Variants in ZNF609 observed in about 807,000 individuals in gnomAD.
ZNF609 encodes the protein zinc finger protein 609.
In ZNF609, 11 loss-of-function variants were observed where a neutral mutation model predicts 109.5. The observed-to-expected ratio is 0.10, with a 90% CI of 0.06 to 0.17. The LOEUF (loss-of-function observed/expected upper bound fraction) is 0.17. ZNF609 is among the 10% of genes least tolerant of loss of function. The pLI, the probability that ZNF609 is intolerant of heterozygous loss-of-function variation, is 1.00. For synonymous variants in ZNF609, 646 were observed against 662.0 expected (o/e 0.98, Z 0.37); for missense variants, 1,559 against 1,772.4 (o/e 0.88, Z 2.16).
chr15:64,627,341 T>G (rs1595744385), intron 3 of ZNF609, among the ~76,000 whole-genome samples: 1 of 152,254 alleles, frequency 6.6e-6, no homozygotes, highest in African/African-American at 2.4e-5. Context: ...TACTGGCTTG[T>G]GTGGTATTTT....
At chr15:64,513,077 A>C (rs1246721393) in intron 2 of ZNF609, among the ~76,000 whole-genome samples, 1 of 152,164 alleles carries the variant, frequency 6.6e-6, no homozygotes, top group Non-Finnish European at 1.5e-5. Context: ...GGTTTTTAGT[A>C]CTGGTACATG....
intron 2 of ZNF609, among the ~76,000 whole-genome samples, chr15:64,575,713 A>C (rs1894940719): frequency 6.6e-6 from 1 of 152,202 alleles, no homozygotes; most frequent in Non-Finnish European, 1.5e-5. Flanking sequence ...AGCAAGGTAA[A>C]CTTAAAGATA....
chr15:64,482,844 T>C (rs1157612983), intron 1 of ZNF609, among the ~76,000 whole-genome samples: 1 of 152,132 alleles, frequency 6.6e-6, no homozygotes, highest in Non-Finnish European at 1.5e-5. Context: ...TCATGGAGTG[T>C]CAGAAAATTG....
chr15:64,624,948 T>C (rs1344592493), intron 3 of ZNF609, among the ~76,000 whole-genome samples: 3 of 151,894 alleles, frequency 2.0e-5, no homozygotes, highest in African/African-American at 7.3e-5. Flanking sequence ...TTAGTAGAGA[T>C]GGGGTTTCAC....
chr15:64,644,225 C>T (rs1022557817), intron 3 of ZNF609, among the ~76,000 whole-genome samples: 3 of 152,116 alleles, frequency 2.0e-5, no homozygotes, highest in African/African-American at 7.2e-5. Flanking sequence ...AGGCCAAGGC[C>T]AATGGCTCAC....
chr15:64,662,238 G>A (rs1896587878), intron 3 of ZNF609, among the ~76,000 whole-genome samples: 1 of 152,154 alleles, frequency 6.6e-6, no homozygotes, highest in Admixed American at 6.6e-5. Context: ...AAGCAAGGAG[G>A]AACCCCCAAT....
intron 2 of ZNF609, among the ~76,000 whole-genome samples, chr15:64,514,206 T>C (rs1172522559): frequency 6.6e-6 from 1 of 152,122 alleles, no homozygotes; most frequent in Admixed American, 6.5e-5. Flanking sequence ...TTTGTTCCTT[T>C]CTTTCTTTTT....
chr15:64,591,854 G>T (rs899589621), intron 2 of ZNF609, among the ~76,000 whole-genome samples: 2 of 151,972 alleles, frequency 1.3e-5, no homozygotes, highest in Admixed American at 6.6e-5. Context: ...TGGGACGACC[G>T]GCACACACCA....
rs970276724 is a variant in ZNF609, at chr15:64,681,386, T to C, written c.*4T>C. 9.9e-6 allele frequency: 16 copies of C among 1,613,246 alleles called. No homozygotes were observed. The highest frequency in any genetic ancestry group is 1.3e-5 in the African/African-American group (1 of 74,870). On this transcript the variant is annotated splice_region_variant and 3_prime_UTR_variant, in exon 9 of 10. Coordinates refer to ENST00000326648, the MANE Select transcript of ZNF609 (RefSeq NM_015042.2). ...CTACCCACCCCCCAGGAGGTGAGAA[T>C]GGTAAGTCACTTTTATTAATTTGGG...
chr15:64,527,215 A>G (rs1893979548), intron 2 of ZNF609, among the ~76,000 whole-genome samples: 1 of 149,080 alleles, frequency 6.7e-6, no homozygotes, highest in Non-Finnish European at 1.5e-5. Flanking sequence ...TTGATCATCT[A>G]GTTTGCCAGG....
At chr15:64,546,395 C>T (rs1894360175) in intron 2 of ZNF609, among the ~76,000 whole-genome samples, 1 of 151,952 alleles carries the variant, frequency 6.6e-6, no homozygotes. Context: ...CAGGCATGCA[C>T]CACCATGCCT....
chr15:64,663,073 A>G (rs1896602257), intron 3 of ZNF609, among the ~76,000 whole-genome samples: 1 of 152,204 alleles, frequency 6.6e-6, no homozygotes, highest in Non-Finnish European at 1.5e-5. Flanking sequence ...GGTTTTATAC[A>G]GAGAAATGAT....
At chr15:64,603,766 C>G (rs137904332) in intron 2 of ZNF609, among the ~76,000 whole-genome samples, 9,260 of 151,432 alleles carry the variant, frequency 0.061, 288 homozygotes, top group South Asian at 0.087. Context: ...TTTGGGAGGC[C>G]GAGGCAGGTG....
At chr15:64,481,449 T>C (rs1893252842) in intron 1 of ZNF609, among the ~76,000 whole-genome samples, 1 of 151,738 alleles carries the variant, frequency 6.6e-6, no homozygotes. Context: ...GCCTCCCTAG[T>C]AGCTAGGATT....
At chr15:64,679,207 G>A (rs1474485721) in intron 6 of ZNF609, among the ~76,000 whole-genome samples, 1 of 152,170 alleles carries the variant, frequency 6.6e-6, no homozygotes, top group Non-Finnish European at 1.5e-5. Flanking sequence ...CAAGTAGCTA[G>A]GATTACAGGC....
intron 3 of ZNF609, among the ~76,000 whole-genome samples, chr15:64,669,922 C>T (rs56236582): frequency 6.6e-6 from 1 of 152,144 alleles, no homozygotes; most frequent in Non-Finnish European, 1.5e-5. Context: ...CCTGCCTTAG[C>T]CTCCCAAAGT....
At chr15:64,678,002 G>A in intron 5 of ZNF609, 114 bp from the exon 6 acceptor site, 1 of 1,394,436 alleles carries the variant, frequency 7.2e-7, no homozygotes, top group Non-Finnish European at 9.7e-7. Context: ...ATCCTACTCT[G>A]CCCCAGGTGT....
At chr15:64,609,281 G>A (rs1256815501) in intron 2 of ZNF609, among the ~76,000 whole-genome samples, 1 of 151,662 alleles carries the variant, frequency 6.6e-6, no homozygotes, top group Non-Finnish European at 1.5e-5. Flanking sequence ...TGCTTCCTGG[G>A]TTCAAGCAAT....
At chr15:64,633,089 A>G (rs944557170) in intron 3 of ZNF609, among the ~76,000 whole-genome samples, 2 of 151,624 alleles carry the variant, frequency 1.3e-5, no homozygotes, top group African/African-American at 4.9e-5. Flanking sequence ...TGGTCCATAA[A>G]TAAAGTATTG....
Sources: allele counts gnomAD v4.1 joint callset (sites outside exome capture counted in the v4.1 genomes callset), GRCh38; gene constraint gnomAD v4.1.1; transcripts MANE v1.5; gene names NCBI Gene and HGNC (gene_info 2026-07-23, HGNC 2026-07-21).